FHOD1: variants seen among roughly 807,000 people sequenced by gnomAD.
FHOD1 encodes formin homology 2 domain containing 1, also known as FH1/FH2 domain-containing protein 1.
Under a neutral mutation model 111.6 loss-of-function variants are expected in FHOD1, and 89 were observed. The ratio of observed to expected loss-of-function variants is 0.80; its 90% CI spans 0.67 to 0.95. The LOEUF is 0.95. Ranked by LOEUF, FHOD1 falls within the 40% of genes least tolerant of loss-of-function variation. The pLI, the probability that FHOD1 is intolerant of heterozygous loss-of-function variation, is 0.00. For missense variants in FHOD1, 1,446 were observed against 1,554.2 expected, an observed-to-expected ratio of 0.93 and a Z score of 1.17; for synonymous variants, 618 against 639.0, an observed-to-expected ratio of 0.97 and a Z score of 0.50.
Position 67,234,341 on chromosome 16 carries a change from T to C in FHOD1, c.1435+16A>G. The C allele has an allele frequency of 6.2e-7, 1 of 1,608,112 alleles. No homozygotes were observed. The highest frequency in any genetic ancestry group is 8.5e-7 in the Non-Finnish European group (1 of 1,177,496). On this transcript the variant is annotated intron_variant, in intron 12 of 21. Coordinates refer to ENST00000258201, the MANE Select transcript of FHOD1 (RefSeq NM_013241.3). ...AAAGCAACAGGCAGGCTCTGCCTGC[T>C]CACCCACCTACTCACCTGGGTGTCC...
Position 67,238,508 on chromosome 16 carries a change from G to T in FHOD1, c.374-61C>A. 1 of 1,457,298 alleles carries T rather than the reference G, an allele frequency of 6.9e-7. No individual in the cohort carries two copies. The highest frequency in any genetic ancestry group is 9.5e-7 in the Non-Finnish European group (1 of 1,049,296). 90.3% of individuals were successfully genotyped at this position (1,457,298 alleles called of 1,614,324 possible). A position where few individuals can be genotyped will look rare whatever the true frequency, so the allele number is the denominator to read the frequency against. On this transcript the variant is annotated intron_variant, in intron 3 of 21. Transcript: ENST00000258201. The surrounding 1 kb of genome is among the most constrained non-coding windows in gnomAD (Gnocchi z 4.2). Reference sequence around the variant, plus strand: ...CAGACTCACTGTCTTCCTCTGCTTGGATACAACCACAACTCTCCACCAAAG... The same window carrying T: ...CAGACTCACTGTCTTCCTCTGCTTGTATACAACCACAACTCTCCACCAAAG...
intron 11 of FHOD1, chr16:67,236,334 C>T (rs891537418): frequency 5.1e-6 from 7 of 1,380,440 alleles, no homozygotes; most frequent in African/African-American, 2.9e-5. Context: ...ACAGGCAGAA[C>T]GTCGGAGGAG....
At position 67,237,391 on chromosome 16, in the gene FHOD1, C is replaced by T; in HGVS notation, c.850-9G>A. The T allele has an allele frequency of 6.2e-7, 1 of 1,613,722 alleles. No homozygotes were observed. The highest frequency in any genetic ancestry group is 8.5e-7 in the Non-Finnish European group (1 of 1,179,654). On this transcript the variant is annotated splice_polypyrimidine_tract_variant and intron_variant, in intron 8 of 21. Coordinates refer to ENST00000258201, the MANE Select transcript of FHOD1 (RefSeq NM_013241.3). The surrounding 1 kb of genome is among the most constrained non-coding windows in gnomAD (Gnocchi z 5.6). ...GGGAGCGCCGCCAGCGTCTGGAGGG[C>T]GGGGATAAGAAGGCAAGGCTGAGGT...
chr16:67,230,784 A>G lies in FHOD1; in HGVS notation c.2675T>C (p.Phe892Ser). The change falls in exon 18 of 22, where the codon TTT becomes TCT. Residue 892 changes from phenylalanine (F) to serine (S), a missense_variant. Transcript: ENST00000258201. ...PALTRCAKVDFEQLTENLGQL... is the reference protein window; with the variant it reads ...PALTRCAKVDSEQLTENLGQL... ...CCCCAGGTTCTCAGTCAGCTGTTCA[A>G]AGTCCACCTGAGAAAGCAAGGGGGT... is the stretch of plus-strand genomic sequence containing the variant. 1.3e-6 allele frequency: 2 copies of G among 1,593,924 alleles called. No homozygotes were observed. Among genetic ancestry groups the G allele is most frequent in the South Asian group, 1.1e-5 (1 of 88,204 alleles).
intron 1 of FHOD1, among the ~76,000 whole-genome samples, chr16:67,242,243 G>T (rs566377032): frequency 2.0e-5 from 3 of 152,190 alleles, no homozygotes; most frequent in Non-Finnish European, 4.4e-5. Flanking sequence ...TGCTGGGATT[G>T]TAGGTGTGAG....
rs1315387715 is a variant in FHOD1 at position 67,236,987 on chromosome 16, G to A, written c.1121C>T (p.Pro374Leu). Reference protein sequence around the residue: ...SRRSLEGGGCPARAPEPGPTG... With the variant: ...SRRSLEGGGCLARAPEPGPTG... ...TTACCCAGGTTCCGGGGCACGCGCG[G>A]GGCAGCCCCCGCCTTCCAGAGAACG... The change falls in exon 10 of 22, where the codon CCC (proline) becomes CTC (leucine). Residue 374 changes from proline to leucine, a missense_variant. Coordinates refer to ENST00000258201, the MANE Select transcript of FHOD1 (RefSeq NM_013241.3). The A allele has an allele frequency of 6.2e-7, 1 of 1,602,074 alleles. No individual in the cohort carries two copies. The highest frequency in any genetic ancestry group is 2.2e-5 in the East Asian group (1 of 44,766).
intron 13 of FHOD1, among the ~76,000 whole-genome samples, chr16:67,233,125 C>G (rs530111328): frequency 3.3e-5 from 5 of 151,640 alleles, no homozygotes; most frequent in African/African-American, 1.2e-4. Flanking sequence ...TTGCTCTTGT[C>G]CCCCAGGCTG....
In FHOD1 at chr16:67,234,099, C is replaced by G. The variant is rs550457905; in HGVS notation, c.1604G>C (p.Arg535Pro). The G allele has an allele frequency of 6.3e-7, 1 of 1,598,414 alleles. No individual in the cohort carries two copies. The highest frequency in any genetic ancestry group is 8.5e-7 in the Non-Finnish European group (1 of 1,169,740). Residue 535 changes from arginine to proline, a missense_variant, in exon 13 of 22, where the codon CGT becomes CCT. Physicochemically the swap from Arg to Pro is moderately radical, Grantham distance 103. This residue lies in a region of FHOD1 where 1,085 missense variants were observed against 1,108.8 expected (regional missense o/e 0.98). Coordinates refer to ENST00000258201, the MANE Select transcript of FHOD1 (RefSeq NM_013241.3). ...GTCCCCAATAGAGAGCCTGGGTGCA[C>G]GGGTAGGGAGCTCCCAGATGGGCTC... is the stretch of plus-strand genomic sequence containing the variant. ...KAEPIWELPT[R>P]APRLSIGDLD...
chr16:67,230,748 C>T lies in FHOD1; in HGVS notation c.2711G>A (p.Arg904His), dbSNP rs1486481234. The part of the protein sequence containing the change: ...QLTENLGQLE[R>H]RSRAAEESLR... ...GCTCTCCTCGGCTGCCCGGCTCCGG[C>T]GCTCCAGCTGCCCCAGGTTCTCAGT... is the stretch of plus-strand genomic sequence containing the variant. The change falls in exon 18 of 22, where the codon CGC (arginine) becomes CAC (histidine). Residue 904 changes from arginine (R) to histidine (H), a missense_variant. By Grantham distance (29) the Arg-to-His change is conservative. Transcript: ENST00000258201. 1.2e-5 allele frequency: 19 copies of T among 1,607,974 alleles called. No individual in the cohort carries two copies. Among genetic ancestry groups the T allele is most frequent in the Middle Eastern group, 1.8e-4 (1 of 5,620 alleles).
In FHOD1 at chr16:67,233,696, G is replaced by T; in HGVS notation, c.2007C>A (p.His669Gln). ...CCTCTTTGGCACGAGACTCAAAGAG[G>T]TGTTCCAGTCGGGCCGTGTCCACTG... ...PVSVDTARLE[H>Q]LFESRAKEVL... Residue 669 changes from histidine (H) to glutamine (Q), a missense_variant, in exon 13 of 22, where the codon CAC becomes CAA. Physicochemically the swap from His to Gln is conservative, Grantham distance 24 (BLOSUM62 0). Around this residue, in one of 3 missense-constraint regions of FHOD1, gnomAD observed 1,085 missense variants for 1,108.8 expected, o/e 0.98. Transcript: ENST00000258201. 1 of 1,608,160 alleles carries T rather than the reference G, an allele frequency of 6.2e-7. No individual in the cohort carries two copies. Among genetic ancestry groups the T allele is most frequent in the South Asian group, 1.1e-5 (1 of 90,918 alleles).
In FHOD1 at chr16:67,231,916, G is replaced by C; in HGVS notation, c.2203-97C>G. On this transcript the variant is annotated intron_variant, in intron 14 of 21. Coordinates refer to ENST00000258201, the MANE Select transcript of FHOD1 (RefSeq NM_013241.3). The surrounding 1 kb of genome is among the most constrained non-coding windows in gnomAD (Gnocchi z 4.3). The stretch of plus-strand genomic sequence containing the variant: ...CCTCAGTCATCTAGGGGAGGCCCCA[G>C]TGTCTGGGGACTGCCCTGCAGAAAT... The C allele has an allele frequency of 1.3e-6, 2 of 1,539,056 alleles. No homozygotes were observed.
Position 67,237,089 on chromosome 16 carries a change from T to A in FHOD1, c.1019A>T (p.Asp340Val), listed in dbSNP as rs2034514205. The change falls in exon 10 of 22, where the codon GAC becomes GTC. Residue 340 changes from aspartate to valine, a missense_variant. This residue lies in a region of FHOD1 where 1,085 missense variants were observed against 1,108.8 expected (regional missense o/e 0.98). Coordinates refer to ENST00000258201, the MANE Select transcript of FHOD1 (RefSeq NM_013241.3). This position sits in a 1 kb window ranked among gnomAD's most constrained non-coding sequence, Gnocchi z 5.6. ...ACCAGCGCCTGGGGCTTCTTCGATGTCTCCATCCTCCAATTTCAGGGCGTT... is the reference window on the plus strand; with the variant it reads ...ACCAGCGCCTGGGGCTTCTTCGATGACTCCATCCTCCAATTTCAGGGCGTT... ...YENALKLEDG[D>V]IEEAPGAGGR... 6.2e-7 allele frequency: 1 copy of A among 1,611,746 alleles called. No homozygotes were observed.
chr16:67,246,564 G>A (rs1219788400), intron 1 of FHOD1, among the ~76,000 whole-genome samples: 1 of 152,178 alleles, frequency 6.6e-6, no homozygotes, highest in African/African-American at 2.4e-5. Context: ...CCGATGGGCG[G>A]CGAGTGTCCG....
chr16:67,236,538 CCT>C lies in FHOD1; in HGVS notation c.1319+17_1319+18del, dbSNP rs1322194666. 5.0e-6 allele frequency: 8 copies of C among 1,608,754 alleles called. No homozygotes were observed. In the African/African-American group the frequency reaches 6.7e-5, roughly 13 times the overall value. ...AATGGGAGAGAGGACTCCAGGGTGG[CCT>C]CTGTCTCCCTACTTACTTGTAGATG... On this transcript the variant is annotated intron_variant, in intron 11 of 21. Transcript: ENST00000258201.
rs754294422 is a variant in FHOD1, at chr16:67,233,990, A to G, written c.1713T>C (p.Ala571=). The change falls in exon 13 of 22, where the codon GCT becomes GCC. Residue 571 remains alanine (A), a synonymous_variant. Coordinates refer to ENST00000258201, the MANE Select transcript of FHOD1 (RefSeq NM_013241.3). ...AGAGCAGGGGCAGTGGGGGTGAGGGAGCTGGGATGTCTTTCCCAGCCTCCA... is the reference window on the plus strand; with the variant it reads ...AGAGCAGGGGCAGTGGGGGTGAGGGGGCTGGGATGTCTTTCCCAGCCTCCA... The part of the protein sequence containing the change: ...ESVEAGKDIP[A]PSPPLPLLSG... The G allele has an allele frequency of 6.2e-7, 1 of 1,611,574 alleles. No homozygotes were observed.
intron 18 of FHOD1, 42 bp from the exon 19 acceptor site, chr16:67,230,548 T>C (rs1223906569): frequency 6.2e-7 from 1 of 1,612,904 alleles, no homozygotes; most frequent in Non-Finnish European, 8.5e-7. Context: ...GTCCTGCTTA[T>C]TGTCTGAGGG....
In FHOD1 at chr16:67,236,729, T is replaced by C; in HGVS notation, c.1147A>G (p.Thr383Ala). Reference protein sequence around the residue: ...CPARAPEPGPTGPASPVGPTS... With the variant: ...CPARAPEPGPAGPASPVGPTS... ...GGGCCTACCGGTGAGGCGGGGCCTG[T>C]GGGGCTGAAAGCAGGGGCTGTCAGT... is the stretch of plus-strand genomic sequence containing the variant. Residue 383 changes from threonine to alanine, a missense_variant, in exon 11 of 22, where the codon ACA becomes GCA. Physicochemically the swap from Thr to Ala is moderately conservative, Grantham distance 58. Coordinates refer to ENST00000258201, the MANE Select transcript of FHOD1 (RefSeq NM_013241.3). 9.0e-7 allele frequency: 1 copy of C among 1,109,276 alleles called. No individual in the cohort carries two copies. Among genetic ancestry groups the C allele is most frequent in the Non-Finnish European group, 1.1e-6 (1 of 899,858 alleles). 68.7% of individuals were successfully genotyped at this position (1,109,276 alleles called of 1,614,324 possible).
rs553036363 is a variant in FHOD1, at chr16:67,231,114, G to T, written c.2667+74C>A. On this transcript the variant is annotated intron_variant, in intron 17 of 21. Transcript: ENST00000258201. This position sits in a 1 kb window ranked among gnomAD's most constrained non-coding sequence, Gnocchi z 4.3. ...GCACAGCAGCCCAAATGGGGAGAAGGGGGAGGAGCCAGGCCCAGGAAGCAG... is the reference window on the plus strand; with the variant it reads ...GCACAGCAGCCCAAATGGGGAGAAGTGGGAGGAGCCAGGCCCAGGAAGCAG... 5.1e-6 allele frequency: 8 copies of T among 1,566,652 alleles called. No homozygotes were observed. In the Admixed American group the frequency reaches 1.0e-4, roughly 21 times the overall value.
At position 67,233,705 on chromosome 16, in the gene FHOD1, T is replaced by C. The variant is rs2034363214; in HGVS notation, c.1998A>G (p.Arg666=). 1.2e-6 allele frequency: 2 copies of C among 1,609,844 alleles called. No individual in the cohort carries two copies. The highest frequency in any genetic ancestry group is 1.7e-6 in the Non-Finnish European group (2 of 1,176,804). The change falls in exon 13 of 22, where the codon CGA becomes CGG. Residue 666 remains arginine, a synonymous_variant. Coordinates refer to ENST00000258201, the MANE Select transcript of FHOD1 (RefSeq NM_013241.3). ...SLDPVSVDTA[R]LEHLFESRAK... is the part of the protein sequence containing the mutation. ...CACGAGACTCAAAGAGGTGTTCCAG[T>C]CGGGCCGTGTCCACTGAGACAGGGT... is the stretch of plus-strand genomic sequence containing the variant.
Sources: allele counts gnomAD v4.1 joint callset (sites outside exome capture counted in the v4.1 genomes callset), GRCh38; gene constraint gnomAD v4.1.1; regional missense constraint gnomAD v4.1.1; non-coding constraint Gnocchi (gnomAD v3.1); transcripts MANE v1.5; gene names NCBI Gene and HGNC (gene_info 2026-07-23, HGNC 2026-07-21).